The following THRB variants were observed in gnomAD, a reference collection of about 807,000 sequenced individuals.
THRB encodes nuclear receptor subfamily 1 group A member 2.
A neutral mutation model predicts 47.8 loss-of-function variants in THRB; 12 were observed. That is an observed-to-expected ratio of 0.25 (90% CI 0.16 to 0.41). The LOEUF (loss-of-function observed/expected upper bound fraction) is 0.41, where lower values mean the gene tolerates loss of function less well. THRB is among the 10% of genes least tolerant of loss of function. THRB has a pLI of 1.00. For synonymous variants in THRB, 218 were observed against 212.2 expected, an observed-to-expected ratio of 1.03 and a Z score of -0.24; for missense variants, 348 against 589.2, an observed-to-expected ratio of 0.59 and a Z score of 4.24.
chr3:24,271,864 T>G (rs1310855925), intron 3 of THRB, among the ~76,000 whole-genome samples: 1 of 151,962 alleles, frequency 6.6e-6, no homozygotes, highest in East Asian at 1.9e-4. Flanking sequence ...ATAGTAAAGG[T>G]AGAAGGGAAA....
intron 1 of THRB, among the ~76,000 whole-genome samples, chr3:24,412,491 C>T (rs2068386953): frequency 6.6e-6 from 1 of 151,708 alleles, no homozygotes; most frequent in African/African-American, 2.4e-5. Context: ...AGTTATCTCA[C>T]TTCTCTTCAT....
intron 3 of THRB, among the ~76,000 whole-genome samples, chr3:24,233,960 A>G (rs2048607220): frequency 6.6e-6 from 1 of 152,182 alleles, no homozygotes; most frequent in South Asian, 2.1e-4. Flanking sequence ...CTTACCTTGC[A>G]CTGCTTTTTG....
At chr3:24,287,730 G>C (rs1394878554) in intron 3 of THRB, among the ~76,000 whole-genome samples, 3 of 152,174 alleles carry the variant, frequency 2.0e-5, no homozygotes, top group South Asian at 2.1e-4. Context: ...TGGGGAGCAG[G>C]AAAGTTTGAA....
At chr3:24,367,417 G>A (rs1037241623) in intron 1 of THRB, among the ~76,000 whole-genome samples, 3 of 152,166 alleles carry the variant, frequency 2.0e-5, no homozygotes, top group African/African-American at 7.2e-5. Flanking sequence ...GGGATTAGCA[G>A]CGACATGAAA....
At chr3:24,280,695 C>T (rs564930553) in intron 3 of THRB, among the ~76,000 whole-genome samples, 8,017 of 151,654 alleles carry the variant, frequency 0.053, 684 homozygotes, top group African/African-American at 0.18. Flanking sequence ...TTGAAAAAAA[C>T]TTAGAAGAAT....
At chr3:24,477,272 A>T (rs555106699) in intron 1 of THRB, among the ~76,000 whole-genome samples, 1 of 152,328 alleles carries the variant, frequency 6.6e-6, no homozygotes, top group Non-Finnish European at 1.5e-5. Context: ...AGTCTGTAAA[A>T]CAATAAACTA....
Position 24,165,020 on chromosome 3 carries a change from T to G in THRB, c.284-12530A>C, listed in dbSNP as rs755354477. On this transcript the variant is annotated intron_variant, in intron 5 of 10. Transcript: ENST00000646209. ...CTTTGAACAAATTTAAGCAAAATGGTCCCTACCTTTTTTTTGAGAATACGA... is the reference window on the plus strand; with the variant it reads ...CTTTGAACAAATTTAAGCAAAATGGGCCCTACCTTTTTTTTGAGAATACGA... The G allele has an allele frequency of 8.1e-6, 6 of 738,210 alleles. No individual in the cohort carries two copies. The Admixed American group carries it at 1.1e-4, about 13-fold the overall frequency. 45.7% of individuals were successfully genotyped at this position (738,210 alleles called of 1,614,324 possible). A position where few individuals can be genotyped will look rare whatever the true frequency, so the allele number is the denominator to read the frequency against.
intron 2 of THRB, among the ~76,000 whole-genome samples, chr3:24,297,704 C>T (rs954292495): frequency 2.6e-5 from 4 of 152,218 alleles, no homozygotes; most frequent in African/African-American, 4.8e-5. Context: ...AACTCCTTCC[C>T]TCTGTTTTAG....
In THRB at chr3:24,152,506, A is replaced by C. The variant is rs747381915; in HGVS notation, c.284-16T>G. The C allele has an allele frequency of 3.1e-6, 4 of 1,284,192 alleles. No individual in the cohort carries two copies. The highest frequency in any genetic ancestry group is 3.4e-6 in the Non-Finnish European group (3 of 879,448). The allele number at this position is 1,284,192 out of a possible 1,614,324, so 79.5% of individuals were successfully genotyped here. On this transcript the variant is annotated splice_polypyrimidine_tract_variant and intron_variant, in intron 5 of 10. Coordinates refer to ENST00000646209, the MANE Select transcript of THRB (RefSeq NM_001354712.2). ...GGGATGTACCCTGTGAAGGAAATAA[A>C]AGAAGGAATATTAAAAAATAATATG...
chr3:24,195,894 T>G (rs1438114497), intron 4 of THRB, among the ~76,000 whole-genome samples: 1 of 152,168 alleles, frequency 6.6e-6, no homozygotes, highest in African/African-American at 2.4e-5. Flanking sequence ...ATTTTCTCTC[T>G]ATCATCTTAC....
At chr3:24,481,248 T>TTTTG (rs1553776530) in intron 1 of THRB, among the ~76,000 whole-genome samples, 1,769 of 147,828 alleles carry the variant, frequency 0.012, 19 homozygotes, top group East Asian at 0.06. Flanking sequence ...TTTTTTTTTT[T>TTTTG]TTTTTTTTTA....
chr3:24,320,183 C>T (rs2058388495), intron 2 of THRB, among the ~76,000 whole-genome samples: 1 of 152,128 alleles, frequency 6.6e-6, no homozygotes, highest in Non-Finnish European at 1.5e-5. Flanking sequence ...TAAAGAAAAA[C>T]TTTGCAGAAA....
At chr3:24,236,560 C>T (rs2048896802) in intron 3 of THRB, among the ~76,000 whole-genome samples, 1 of 152,120 alleles carries the variant, frequency 6.6e-6, no homozygotes, top group Non-Finnish European at 1.5e-5. Flanking sequence ...TTAAGCTTAC[C>T]TGAGGTCATT....
chr3:24,286,612 C>T (rs1185420724), intron 3 of THRB, among the ~76,000 whole-genome samples: 1 of 152,130 alleles, frequency 6.6e-6, no homozygotes, highest in Non-Finnish European at 1.5e-5. Context: ...TTGATCCACT[C>T]TTAGGCTGAG....
At chr3:24,304,910 T>C (rs1167790903) in intron 2 of THRB, among the ~76,000 whole-genome samples, 1 of 152,144 alleles carries the variant, frequency 6.6e-6, no homozygotes, top group Admixed American at 6.5e-5. Context: ...AAAAAATGGA[T>C]GATTTCTTAG....
chr3:24,410,094 C>T (rs991355898), intron 1 of THRB, among the ~76,000 whole-genome samples: 4 of 151,712 alleles, frequency 2.6e-5, no homozygotes, highest in African/African-American at 4.8e-5. Context: ...AATATACTAC[C>T]AACACTGCTG....
chr3:24,280,407 A>AAAGG (rs1424021182), intron 3 of THRB, among the ~76,000 whole-genome samples: 2 of 152,174 alleles, frequency 1.3e-5, no homozygotes, highest in African/African-American at 4.8e-5. Flanking sequence ...TAACAAACAG[A>AAAGG]AAGGACATCC....
At chr3:24,485,017 A>T (rs1204349560) in intron 1 of THRB, among the ~76,000 whole-genome samples, 1 of 152,192 alleles carries the variant, frequency 6.6e-6, no homozygotes, top group African/African-American at 2.4e-5. Flanking sequence ...TGGATCATTA[A>T]AGAAATAAAA....
chr3:24,318,422 C>G (rs1040626888), intron 2 of THRB: 5 of 152,268 alleles, frequency 3.3e-5, no homozygotes, highest in Non-Finnish European at 5.9e-5. Flanking sequence ...AACACTCACT[C>G]AGGTGTCCAC....
Sources: gnomAD v4.1 joint callset for allele counts (sites outside exome capture counted in the v4.1 genomes callset) on GRCh38, gnomAD v4.1.1 for gene constraint, MANE v1.5 for transcripts, NCBI Gene and HGNC (gene_info 2026-07-23, HGNC 2026-07-21) for gene names.